DZIP3: variants seen among roughly 807,000 people sequenced by gnomAD.
The protein encoded by DZIP3 is E3 ubiquitin-protein ligase DZIP3.
A neutral mutation model predicts 162.0 loss-of-function variants in DZIP3; 118 were observed. The observed-to-expected ratio is 0.73, with a 90% CI of 0.63 to 0.85. The LOEUF is 0.85. Ranked by LOEUF, DZIP3 falls within the 40% of genes least tolerant of loss-of-function variation. The probability of loss-of-function intolerance (pLI) is 0.00; values close to 1 mark genes in which losing one functional copy is unlikely to be tolerated. For synonymous variants in DZIP3, 438 were observed against 458.6 expected (o/e 0.96, Z 0.57); for missense variants, 1,331 against 1,407.0 (o/e 0.95, Z 0.86).
chr3:108,635,540 ATATAAGT>A (rs1942102089), intron 10 of DZIP3, among the ~76,000 whole-genome samples: 2 of 147,630 alleles, frequency 1.4e-5, no homozygotes, highest in African/African-American at 4.9e-5. Flanking sequence ...AGTTATAATT[ATATAAGT>A]TATAATTATA....
In DZIP3 at chr3:108,675,834, C is replaced by T; in HGVS notation, c.2742C>T (p.Ala914=). The change falls in exon 25 of 33, where the codon GCC becomes GCT. Residue 914 remains alanine, a synonymous_variant. Transcript: ENST00000361582. ...AGGCTGCGGTAGACAGTTGGAATGC[C>T]ATTGTGGCAGATGTTAGAAACAAGA... The part of the protein sequence containing the change: ...QLKAAVDSWN[A]IVADVRNKIA... 6.2e-7 allele frequency: 1 copy of T among 1,610,248 alleles called. No homozygotes were observed. The highest frequency in any genetic ancestry group is 8.5e-7 in the Non-Finnish European group (1 of 1,178,016).
At chr3:108,598,440 A>G (rs990685456) in intron 1 of DZIP3, among the ~76,000 whole-genome samples, 2 of 152,230 alleles carry the variant, frequency 1.3e-5, no homozygotes, top group South Asian at 2.1e-4. Context: ...CTTATTTTCA[A>G]TGCAACCCAA....
intron 1 of DZIP3, among the ~76,000 whole-genome samples, chr3:108,596,363 G>A (rs1939713525): frequency 6.6e-6 from 1 of 152,214 alleles, no homozygotes; most frequent in African/African-American, 2.4e-5. Context: ...AGTTAAAGGA[G>A]CGGTCAGGGT....
At chr3:108,646,899 G>C (rs1156532002) in intron 15 of DZIP3, among the ~76,000 whole-genome samples, 1 of 152,152 alleles carries the variant, frequency 6.6e-6, no homozygotes, top group African/African-American at 2.4e-5. Context: ...AAATTAGCCA[G>C]GTGTGGTGGC....
At chr3:108,689,658 G>A (rs1363881965) in intron 31 of DZIP3, among the ~76,000 whole-genome samples, 1 of 152,154 alleles carries the variant, frequency 6.6e-6, no homozygotes, top group Non-Finnish European at 1.5e-5. Flanking sequence ...CTGCACTCCA[G>A]CCTGGGTGAT....
intron 19 of DZIP3, among the ~76,000 whole-genome samples, chr3:108,660,886 A>G (rs939216688): frequency 2.0e-5 from 3 of 152,176 alleles, no homozygotes; most frequent in Admixed American, 6.5e-5. Flanking sequence ...ATGAAAAAAT[A>G]CTCATCATCA....
At chr3:108,692,897 T>C (rs147215120) in intron 32 of DZIP3, among the ~76,000 whole-genome samples, 2,085 of 148,818 alleles carry the variant, frequency 0.014, 50 homozygotes, top group African/African-American at 0.049. Flanking sequence ...TAATATATAT[T>C]ATATAAAAAG....
chr3:108,659,258 A>G (rs552631332), intron 19 of DZIP3, among the ~76,000 whole-genome samples: 190 of 152,268 alleles, frequency 1.2e-3, no homozygotes, highest in African/African-American at 4.3e-3. Flanking sequence ...ATACTGGCAA[A>G]CTGAATCCAG....
chr3:108,677,431 T>TATTC, intron 25 of DZIP3, 66 bp from the exon 26 acceptor site: 1 of 1,294,438 alleles, frequency 7.7e-7, no homozygotes, highest in Non-Finnish European at 1.1e-6. Flanking sequence ...CTACATCAGA[T>TATTC]ATTCCCATAT....
chr3:108,631,376 A>G (rs1219069004), intron 8 of DZIP3, among the ~76,000 whole-genome samples: 1 of 151,592 alleles, frequency 6.6e-6, no homozygotes, highest in Admixed American at 6.6e-5. Context: ...GCCTGAGGAT[A>G]GAATAATTTT....
intron 1 of DZIP3, among the ~76,000 whole-genome samples, chr3:108,598,767 T>A (rs1939838075): frequency 6.6e-6 from 1 of 152,214 alleles, no homozygotes; most frequent in Non-Finnish European, 1.5e-5. Flanking sequence ...TTTAAATTGC[T>A]GAAAATATTC....
intron 25 of DZIP3, 108 bp downstream of exon 25, chr3:108,675,981 AG>A: frequency 1.0e-6 from 1 of 984,538 alleles, no homozygotes; most frequent in Non-Finnish European, 1.5e-6. Flanking sequence ...TTTCCATTTT[AG>A]TTATAAAAGT....
chr3:108,593,676 C>CT (rs79432134), intron 1 of DZIP3, among the ~76,000 whole-genome samples: 2,302 of 121,022 alleles, frequency 0.019, 61 homozygotes, highest in African/African-American at 0.055. Context: ...GAATTTCTTT[C>CT]TTTTTTTTTT....
At position 108,624,543 on chromosome 3, in the gene DZIP3, G is replaced by C. The variant is rs746340279; in HGVS notation, c.456+19G>C. 7.1e-7 allele frequency: 1 copy of C among 1,402,010 alleles called. No homozygotes were observed. The highest frequency in any genetic ancestry group is 9.8e-7 in the Non-Finnish European group (1 of 1,018,718). The allele number at this position is 1,402,010 out of a possible 1,614,324, so 86.8% of individuals were successfully genotyped here. A position where few individuals can be genotyped will look rare whatever the true frequency, so the allele number is the denominator to read the frequency against. Reference sequence around the variant, plus strand: ...GAAAGAGGTATGTAACATGTTATTTGCCCTTTATAAATCTTTTTACATCTT... The same window carrying C: ...GAAAGAGGTATGTAACATGTTATTTCCCCTTTATAAATCTTTTTACATCTT... On this transcript the variant is annotated intron_variant, in intron 6 of 32. Coordinates refer to ENST00000361582, the MANE Select transcript of DZIP3 (RefSeq NM_014648.4).
chr3:108,649,017 A>G (rs1942752304), intron 17 of DZIP3, 55 bp downstream of exon 17: 3 of 999,888 alleles, frequency 3.0e-6, no homozygotes, highest in Non-Finnish European at 4.0e-6. Flanking sequence ...AGTTAAATAC[A>G]TGAATTCATT....
chr3:108,649,087 GTA>G (rs980224159), intron 17 of DZIP3, 125 bp downstream of exon 17: 5 of 503,470 alleles, frequency 9.9e-6, no homozygotes, highest in Non-Finnish European at 1.5e-5. Context: ...AGCTTACTGA[GTA>G]TATGATTATA....
At position 108,631,055 on chromosome 3, in the gene DZIP3, A is replaced by ACACACACACACACACATACACTCT; in HGVS notation, c.696+1880_696+1881insACACACACACACACATACACTCTC. 3.8e-3 allele frequency among the ~76,000 whole-genome samples: 68 copies of ACACACACACACACACATACACTCT among 18,016 alleles called. 3 individuals are homozygous for ACACACACACACACACATACACTCT. The highest frequency in any genetic ancestry group is 8.5e-3 in the Admixed American group (10 of 1,180). 11.8% of individuals were successfully genotyped at this position (18,016 alleles called of 152,430 possible). A position where few individuals can be genotyped will look rare whatever the true frequency, so the allele number is the denominator to read the frequency against. ...CACACACACACACACACACACACAC[A>ACACACACACACACACATACACTCT]CTCTCTCTCTCTCTCTCTCTCTCTC... On this transcript the variant is annotated intron_variant, in intron 8 of 32. Coordinates refer to ENST00000361582, the MANE Select transcript of DZIP3 (RefSeq NM_014648.4).
intron 5 of DZIP3, among the ~76,000 whole-genome samples, chr3:108,618,928 G>A (rs920160116): frequency 8.0e-4 from 122 of 151,646 alleles, no homozygotes; most frequent in African/African-American, 2.9e-3. Context: ...AGGTGTGGTG[G>A]CATGCGCCTG....
At chr3:108,640,884 C>A (rs191471239) in intron 12 of DZIP3, among the ~76,000 whole-genome samples, 1 of 151,750 alleles carries the variant, frequency 6.6e-6, no homozygotes, top group East Asian at 1.9e-4. Context: ...CTATGTATTT[C>A]TTTGTAGGTG....
Sources: allele counts gnomAD v4.1 joint callset (sites outside exome capture counted in the v4.1 genomes callset), GRCh38; gene constraint gnomAD v4.1.1; transcripts MANE v1.5; gene names NCBI Gene and HGNC (gene_info 2026-07-23, HGNC 2026-07-21).